Variants in TTC6 observed in about 807,000 individuals in gnomAD.
TTC6 encodes tetratricopeptide repeat protein 6.
TTC6 carries 172 observed loss-of-function variants against 210.4 expected under a neutral mutation model. The observed-to-expected ratio is 0.82, with a 90% CI of 0.72 to 0.93. The LOEUF is 0.93. Among genes scored for constraint, TTC6 ranks in the 40% least tolerant of loss-of-function variants. The pLI, the probability that TTC6 is intolerant of heterozygous loss-of-function variation, is 0.00. For synonymous variants in TTC6, 804 were observed against 819.6 expected (o/e 0.98, Z 0.32); for missense variants, 2,414 against 2,318.1 (o/e 1.04, Z -0.85).
rs111931111 is a variant in TTC6, at chr14:37,728,051, G to A, written c.1818+3049G>A. Among the ~76,000 whole-genome samples the A allele has an allele frequency of 3.8e-4, 58 of 152,146 alleles. 1 individual carries two copies. The highest frequency in any genetic ancestry group is 1.2e-3 in the African/African-American group (51 of 41,530). On this transcript the variant is annotated intron_variant, in intron 7 of 30. Coordinates refer to ENST00000553443, the Ensembl canonical transcript of TTC6. Reference sequence around the variant, plus strand: ...TTCCACTTACTTCCTGGGTAACCTCGTACTATTATTTTAACCTCATGAAGT... The same window carrying A: ...TTCCACTTACTTCCTGGGTAACCTCATACTATTATTTTAACCTCATGAAGT...
chr14:37,630,153 T>C (rs923836756), intron 1 of TTC6, among the ~76,000 whole-genome samples: 2 of 152,210 alleles, frequency 1.3e-5, no homozygotes, highest in African/African-American at 4.8e-5. Context: ...GCTTCTCTAG[T>C]TCTTTTAACC....
chr14:37,813,290 CT>C (rs764684375), intron 25 of TTC6, among the ~76,000 whole-genome samples: 2 of 152,104 alleles, frequency 1.3e-5, no homozygotes, highest in Non-Finnish European at 2.9e-5. Flanking sequence ...TACCTTTAAG[CT>C]TTTTGATATA....
chr14:37,705,143 C>T (rs904287720), intron 5 of TTC6, among the ~76,000 whole-genome samples: 35 of 152,124 alleles, frequency 2.3e-4, no homozygotes, highest in African/African-American at 7.9e-4. Flanking sequence ...ACAGCTCCTG[C>T]GCAGTGAGCA....
chr14:37,644,629 C>T (rs1334242018), intron 1 of TTC6, among the ~76,000 whole-genome samples: 1 of 152,200 alleles, frequency 6.6e-6, no homozygotes, highest in Non-Finnish European at 1.5e-5. Flanking sequence ...CTGACATGGT[C>T]TCTATGGCGA....
At chr14:37,770,615 A>G (rs1416161031) in intron 14 of TTC6, among the ~76,000 whole-genome samples, 4 of 152,102 alleles carry the variant, frequency 2.6e-5, no homozygotes, top group East Asian at 3.9e-4. Context: ...ATCAGAGACT[A>G]GGATTGCAAC....
At chr14:37,681,628 C>A (rs1418393045) in intron 2 of TTC6, among the ~76,000 whole-genome samples, 1 of 152,062 alleles carries the variant, frequency 6.6e-6, no homozygotes, top group African/African-American at 2.4e-5. Context: ...ATGCTTCCAT[C>A]CATCCCCCCT....
At chr14:37,712,739 G>A (rs1325136589) in intron 5 of TTC6, among the ~76,000 whole-genome samples, 3 of 152,088 alleles carry the variant, frequency 2.0e-5, no homozygotes, top group Non-Finnish European at 4.4e-5. Context: ...ACAGCACTAT[G>A]GGGTAACCAC....
chr14:37,787,770 T>C, intron 15 of TTC6, 133 bp downstream of exon 17: 1 of 592,838 alleles, frequency 1.7e-6, no homozygotes, highest in Non-Finnish European at 2.6e-6. Flanking sequence ...ACATTATAAG[T>C]ATATATTACA....
intron 25 of TTC6, among the ~76,000 whole-genome samples, chr14:37,812,766 TTC>T (rs1388698681): frequency 6.6e-6 from 1 of 152,150 alleles, no homozygotes; most frequent in Non-Finnish European, 1.5e-5. Context: ...AGTGGTAACT[TTC>T]TCAAAATTTT....
chr14:37,603,618 A>C (rs1473313783), intron 1 of TTC6, among the ~76,000 whole-genome samples: 1 of 152,220 alleles, frequency 6.6e-6, no homozygotes, highest in Non-Finnish European at 1.5e-5. Flanking sequence ...AGACAGCAGC[A>C]GCAGAAGAGA....
intron 14 of TTC6, among the ~76,000 whole-genome samples, chr14:37,781,316 T>C (rs900264866): frequency 8.5e-5 from 13 of 152,146 alleles, no homozygotes; most frequent in African/African-American, 2.9e-4. Context: ...TTAATGATTG[T>C]CATTCTAACT....
At chr14:37,759,000 T>A (rs1016945250) in intron 14 of TTC6, among the ~76,000 whole-genome samples, 5 of 151,912 alleles carry the variant, frequency 3.3e-5, no homozygotes, top group African/African-American at 9.7e-5. Flanking sequence ...CTGCTGGGTG[T>A]GGTGGCTCAC....
At chr14:37,825,127 A>G (rs576383980) in intron 27 of TTC6, among the ~76,000 whole-genome samples, 1 of 152,286 alleles carries the variant, frequency 6.6e-6, no homozygotes, top group South Asian at 2.1e-4. Flanking sequence ...TTTGTTCAAC[A>G]AATACTTACA....
chr14:37,638,192 A>C (rs1223181419), intron 1 of TTC6, among the ~76,000 whole-genome samples: 1 of 152,236 alleles, frequency 6.6e-6, no homozygotes, highest in Non-Finnish European at 1.5e-5. Context: ...TGAGGCAATA[A>C]AAGCCAATCT....
chr14:37,840,356 C>T (rs566279235), intron 29 of TTC6, among the ~76,000 whole-genome samples: 1 of 152,026 alleles, frequency 6.6e-6, no homozygotes, highest in African/African-American at 2.4e-5. Flanking sequence ...TAATAGCCTA[C>T]CAACCAAAAA....
chr14:37,650,645 C>G (rs177863), intron 1 of TTC6, among the ~76,000 whole-genome samples: 1 of 152,052 alleles, frequency 6.6e-6, no homozygotes, highest in Non-Finnish European at 1.5e-5. Context: ...CTTCTTGTCT[C>G]TGCTAGATCT....
intron 14 of TTC6, among the ~76,000 whole-genome samples, chr14:37,762,143 G>C (rs2095986483): frequency 6.6e-6 from 1 of 152,094 alleles, no homozygotes; most frequent in Non-Finnish European, 1.5e-5. Flanking sequence ...GTTGTAAGTG[G>C]TGGGATTTCC....
chr14:37,794,858 G>A (rs780507728), intron 17 of TTC6, among the ~76,000 whole-genome samples: 4 of 151,898 alleles, frequency 2.6e-5, no homozygotes, highest in African/African-American at 7.3e-5. Context: ...CAAAGCGCTC[G>A]AATTAGAGGC....
intron 10 of TTC6, among the ~76,000 whole-genome samples, chr14:37,739,821 G>C (rs1049853427): frequency 6.6e-6 from 1 of 152,022 alleles, no homozygotes; most frequent in African/African-American, 2.4e-5. Context: ...ATTCAAAATA[G>C]ATATTTAAGT....
Sources: allele counts gnomAD v4.1 joint callset (sites outside exome capture counted in the v4.1 genomes callset), GRCh38; gene constraint gnomAD v4.1.1; transcripts MANE v1.5; gene names NCBI Gene and HGNC (gene_info 2026-07-23, HGNC 2026-07-21).